RAB27A: variants seen among roughly 807,000 people sequenced by gnomAD.
The protein encoded by RAB27A is RAB27A, member RAS oncogene family.
Under a neutral mutation model 20.8 loss-of-function variants are expected in RAB27A, and 17 were observed. The ratio of observed to expected loss-of-function variants is 0.82; its 90% CI spans 0.56 to 1.23. The LOEUF is 1.23. Among genes scored for constraint, RAB27A ranks in the 50% most tolerant of loss-of-function variants. The pLI, the probability that RAB27A is intolerant of heterozygous loss-of-function variation, is 0.00. For synonymous variants in RAB27A, 85 were observed against 92.8 expected, an observed-to-expected ratio of 0.92 and a Z score of 0.48; for missense variants, 277 against 266.7, an observed-to-expected ratio of 1.04 and a Z score of -0.27.
intron 2 of RAB27A, among the ~76,000 whole-genome samples, chr15:55,302,194 T>G (rs1408803414): frequency 7.5e-6 from 1 of 133,454 alleles, no homozygotes; most frequent in African/African-American, 2.9e-5. Flanking sequence ...AAAAAAAAAG[T>G]CAGAGTGAGA....
At chr15:55,279,078 G>C (rs139206236) in intron 1 of RAB27A, among the ~76,000 whole-genome samples, 347 of 152,280 alleles carry the variant, frequency 2.3e-3, no homozygotes, top group African/African-American at 7.8e-3. Flanking sequence ...ATAGATAATG[G>C]AAAGAATCAC....
At chr15:55,304,945 G>C (rs188597021) in intron 2 of RAB27A, among the ~76,000 whole-genome samples, 4 of 152,298 alleles carry the variant, frequency 2.6e-5, no homozygotes, top group Admixed American at 2.0e-4. Context: ...GACCCAAAGA[G>C]GGTAGCAGTT....
At chr15:55,260,552 G>C (rs1175762432) in intron 2 of RAB27A, among the ~76,000 whole-genome samples, 1 of 152,186 alleles carries the variant, frequency 6.6e-6, no homozygotes, top group Non-Finnish European at 1.5e-5. Context: ...TTCGTCAGTA[G>C]ATGAATGGAT....
At chr15:55,265,871 G>T (rs997592382) in intron 2 of RAB27A, among the ~76,000 whole-genome samples, 1 of 152,144 alleles carries the variant, frequency 6.6e-6, no homozygotes, top group Non-Finnish European at 1.5e-5. Flanking sequence ...TGAGACCTGG[G>T]TCTAAAAGGA....
At chr15:55,253,869 A>G (rs1466394648) in intron 2 of RAB27A, among the ~76,000 whole-genome samples, 4 of 152,260 alleles carry the variant, frequency 2.6e-5, no homozygotes, top group Non-Finnish European at 2.9e-5. Context: ...AATTGTAGAC[A>G]AGAGCAGCAT....
At chr15:55,253,004 T>C (rs149107932) in intron 2 of RAB27A, among the ~76,000 whole-genome samples, 2,708 of 151,894 alleles carry the variant, frequency 0.018, 79 homozygotes, top group African/African-American at 0.062. Flanking sequence ...TGGTGGCATG[T>C]GCCTGTAATC....
At chr15:55,315,438 AGCAAAAG>A (rs1566942853) in intron 1 of RAB27A, among the ~76,000 whole-genome samples, 1 of 152,230 alleles carries the variant, frequency 6.6e-6, no homozygotes, top group Non-Finnish European at 1.5e-5. Context: ...GCTTCTGCCT[AGCAAAAG>A]AAACTATCGT....
At chr15:55,209,287 C>T (rs1023811478) in intron 6 of RAB27A, among the ~76,000 whole-genome samples, 2 of 152,108 alleles carry the variant, frequency 1.3e-5, no homozygotes, top group Non-Finnish European at 2.9e-5. Context: ...TCTCTTCATC[C>T]TCCACTCCCT....
chr15:55,209,882 G>GTATACATATA (rs1404704383), intron 6 of RAB27A, among the ~76,000 whole-genome samples: 1 of 86,158 alleles, frequency 1.2e-5, no homozygotes, highest in African/African-American at 7.5e-5. Flanking sequence ...ATATATGTGT[G>GTATACATATA]TGTATACATA....
chr15:55,307,258 G>A (rs1035305534), intron 2 of RAB27A, among the ~76,000 whole-genome samples: 2 of 151,910 alleles, frequency 1.3e-5, no homozygotes, highest in African/African-American at 2.4e-5. Flanking sequence ...CTGCAACTAA[G>A]TTGGCCATCT....
Position 55,203,796 on chromosome 15 carries a change from C to T in RAB27A, c.*1711G>A, listed in dbSNP as rs1894512690. ...TCAAATGCACAGGCCTCCATGACTT[C>T]TTTGGAATTTAAAAGAAGCCTTCAT... On this transcript the variant is annotated 3_prime_UTR_variant, in exon 7 of 7. Transcript: ENST00000336787. The T allele has an allele frequency of 6.6e-6, 1 of 151,834 alleles. No homozygotes were observed. The allele number at this position is 151,834 out of a possible 1,614,324, so 9.4% of individuals were successfully genotyped here.
intron 6 of RAB27A, among the ~76,000 whole-genome samples, chr15:55,209,284 A>T (rs1894803847): frequency 6.6e-6 from 1 of 151,956 alleles, no homozygotes; most frequent in African/African-American, 2.4e-5. Flanking sequence ...ATCTCTCTTC[A>T]TCCTCCACTC....
chr15:55,229,454 T>C (rs541908651), intron 4 of RAB27A, among the ~76,000 whole-genome samples: 154 of 152,308 alleles, frequency 1.0e-3, no homozygotes, highest in African/African-American at 3.6e-3. Context: ...GGCAGGCAGA[T>C]CACCTGAAGT....
At chr15:55,210,177 A>G (rs1284918837) in intron 6 of RAB27A, among the ~76,000 whole-genome samples, 1 of 139,356 alleles carries the variant, frequency 7.2e-6, no homozygotes, top group Non-Finnish European at 1.5e-5. Flanking sequence ...ATATATACGT[A>G]CACACATATG....
intron 2 of RAB27A, among the ~76,000 whole-genome samples, chr15:55,266,322 G>A (rs1184802489): frequency 1.3e-5 from 2 of 152,194 alleles, no homozygotes; most frequent in Admixed American, 6.5e-5. Context: ...CTAGAACAAT[G>A]AGGAATAAAT....
At position 55,309,169 on chromosome 15, in the gene RAB27A, G is replaced by C. The variant is rs1273848771; in HGVS notation, c.-112+4870C>G. On this transcript the variant is annotated intron_variant, in intron 2 of 5. Coordinates refer to the RAB27A transcript ENST00000563262. Reference sequence around the variant, plus strand: ...CCTTAATTAGTGTATACAATGGTCTGTCTATTTCACCGTACCTGGGAATCC... The same window carrying C: ...CCTTAATTAGTGTATACAATGGTCTCTCTATTTCACCGTACCTGGGAATCC... Among the ~76,000 whole-genome samples the C allele has an allele frequency of 2.6e-5, 4 of 152,134 alleles. 1 individual carries two copies. The highest frequency in any genetic ancestry group is 5.9e-5 in the Non-Finnish European group (4 of 68,038).
chr15:55,232,745 A>G (rs1339470824), intron 3 of RAB27A, among the ~76,000 whole-genome samples: 1 of 152,210 alleles, frequency 6.6e-6, no homozygotes, highest in Non-Finnish European at 1.5e-5. Flanking sequence ...AATAAGCACC[A>G]GTAAAAATGT....
intron 2 of RAB27A, among the ~76,000 whole-genome samples, chr15:55,311,500 G>A (rs551860430): frequency 2.1e-4 from 32 of 152,180 alleles, no homozygotes; most frequent in African/African-American, 7.2e-4. Flanking sequence ...GGAAGGAGTC[G>A]AGGGGACGCT....
intron 6 of RAB27A, among the ~76,000 whole-genome samples, chr15:55,209,732 A>G (rs1377244682): frequency 1.4e-5 from 2 of 147,748 alleles, no homozygotes; most frequent in Non-Finnish European, 3.0e-5. Flanking sequence ...ATATATACAC[A>G]TATATATACA....
Sources: allele counts gnomAD v4.1 joint callset (sites outside exome capture counted in the v4.1 genomes callset), GRCh38; gene constraint gnomAD v4.1.1; transcripts MANE v1.5; gene names NCBI Gene and HGNC (gene_info 2026-07-23, HGNC 2026-07-21).